Variants in C13orf46 observed in about 807,000 individuals in gnomAD.
The protein encoded by C13orf46 is chromosome 13 open reading frame 46.
chr13:113,933,241 G>A, the C13orf46 span, among the ~76,000 whole-genome samples: 2 of 152,148 alleles, frequency 1.3e-5, no homozygotes, highest in Admixed American at 6.5e-5. Flanking sequence ...GCTTATGGGT[G>A]TCCAAATGAC....
At chr13:113,972,967 G>C (rs543551567) in intron 1 of C13orf46, among the ~76,000 whole-genome samples, 1 of 152,192 alleles carries the variant, frequency 6.6e-6, no homozygotes, top group Non-Finnish European at 1.5e-5. Flanking sequence ...GGTGGGTTAC[G>C]GGTGTGGACC....
chr13:113,937,834 C>T, the C13orf46 span, among the ~76,000 whole-genome samples: 1 of 152,186 alleles, frequency 6.6e-6, no homozygotes, highest in African/African-American at 2.4e-5. Flanking sequence ...AATGGTCACT[C>T]ATGCCTGAGT....
At chr13:113,973,384 A>T (rs987787308) in intron 1 of C13orf46, among the ~76,000 whole-genome samples, 3 of 152,126 alleles carry the variant, frequency 2.0e-5, no homozygotes, top group Non-Finnish European at 2.9e-5. Flanking sequence ...TGGGCTGCTC[A>T]TGAAAAACCG....
the C13orf46 span, among the ~76,000 whole-genome samples, chr13:113,930,547 G>A: frequency 6.6e-6 from 1 of 152,204 alleles, no homozygotes; most frequent in African/African-American, 2.4e-5. Flanking sequence ...CCACTTCCCA[G>A]GTCAGAGTCC....
At chr13:113,965,645 T>C (rs1191694991) in intron 5 of C13orf46, among the ~76,000 whole-genome samples, 2 of 151,410 alleles carry the variant, frequency 1.3e-5, no homozygotes, top group Non-Finnish European at 2.9e-5. Flanking sequence ...GTGATGATGA[T>C]TGTGACAATG....
At chr13:113,969,998 C>T (rs1475889084) in intron 2 of C13orf46, among the ~76,000 whole-genome samples, 173 bp downstream of exon 2, 4 of 152,180 alleles carry the variant, frequency 2.6e-5, no homozygotes, top group African/African-American at 9.6e-5. Flanking sequence ...ATTTCCCAGC[C>T]CTCCCATCCA....
the C13orf46 span, among the ~76,000 whole-genome samples, chr13:113,945,605 G>GAAAA: frequency 1.1e-5 from 1 of 93,708 alleles, no homozygotes; most frequent in African/African-American, 4.2e-5. Flanking sequence ...AAGAAAGAAA[G>GAAAA]AAGAAAGAAA....
intron 2 of C13orf46, among the ~76,000 whole-genome samples, chr13:113,969,230 G>A (rs918579848): frequency 4.6e-5 from 7 of 152,248 alleles, no homozygotes; most frequent in African/African-American, 1.7e-4. Context: ...GTGTGGCCAG[G>A]GGCAAGAGGA....
At chr13:113,933,025 C>G in the C13orf46 span, among the ~76,000 whole-genome samples, 1 of 152,024 alleles carries the variant, frequency 6.6e-6, no homozygotes, top group African/African-American at 2.4e-5. Flanking sequence ...CCACCATGCC[C>G]AGAAAATTTT....
At chr13:113,970,018 C>T (rs1038555098) in intron 2 of C13orf46, among the ~76,000 whole-genome samples, 153 bp downstream of exon 2, 4 of 152,098 alleles carry the variant, frequency 2.6e-5, no homozygotes, top group Admixed American at 2.0e-4. Flanking sequence ...AGGCCCTGCG[C>T]GGGGTCTTCG....
chr13:113,942,434 C>T, the C13orf46 span, among the ~76,000 whole-genome samples: 1 of 152,176 alleles, frequency 6.6e-6, no homozygotes, highest in Admixed American at 6.5e-5. Context: ...CCCAGTGTCT[C>T]CAGGACGATT....
At chr13:113,940,538 C>A in the C13orf46 span, among the ~76,000 whole-genome samples, 1 of 118,188 alleles carries the variant, frequency 8.5e-6, no homozygotes, top group Admixed American at 8.4e-5. Context: ...CGTTCGAGAC[C>A]CTGGTCTCTG....
chr13:113,938,982 C>T, the C13orf46 span, among the ~76,000 whole-genome samples: 1 of 152,134 alleles, frequency 6.6e-6, no homozygotes, highest in East Asian at 1.9e-4. Flanking sequence ...CCACCCCCAC[C>T]CCAGGCCCAC....
the C13orf46 span, among the ~76,000 whole-genome samples, chr13:113,931,686 T>A: frequency 6.6e-6 from 1 of 152,182 alleles, no homozygotes; most frequent in East Asian, 1.9e-4. Flanking sequence ...GTGAGAAAAT[T>A]ACGAGATAAC....
At chr13:113,939,203 C>A in the C13orf46 span, among the ~76,000 whole-genome samples, 1 of 152,222 alleles carries the variant, frequency 6.6e-6, no homozygotes, top group African/African-American at 2.4e-5. Context: ...ATAGGCTTGG[C>A]TGCCTGACAC....
downstream of C13orf46, among the ~76,000 whole-genome samples, chr13:113,952,238 G>A (rs921193022): frequency 1.5e-3 from 225 of 152,314 alleles, no homozygotes; most frequent in Non-Finnish European, 2.7e-3. Flanking sequence ...CGTGGCTGGA[G>A]GAACTGCGCC....
chr13:113,972,496 G>A (rs1011864031), intron 1 of C13orf46, among the ~76,000 whole-genome samples: 5 of 152,134 alleles, frequency 3.3e-5, no homozygotes, highest in Non-Finnish European at 5.9e-5. Flanking sequence ...CCGAGGCCGC[G>A]GGAGGGGAGG....
At chr13:113,941,468 C>T in the C13orf46 span, among the ~76,000 whole-genome samples, 1 of 145,900 alleles carries the variant, frequency 6.9e-6, no homozygotes, top group Non-Finnish European at 1.5e-5. Context: ...AGATCCTGGT[C>T]TCTGGGACTC....
chr13:113,945,643 A>C, the C13orf46 span, among the ~76,000 whole-genome samples: 1 of 137,900 alleles, frequency 7.3e-6, no homozygotes, highest in African/African-American at 2.7e-5. Context: ...AAAGAAAGAA[A>C]GAAAGAAAGA....
Sources: allele counts gnomAD v4.1 joint callset (sites outside exome capture counted in the v4.1 genomes callset), GRCh38; gene constraint gnomAD v4.1.1; transcripts MANE v1.5; gene names NCBI Gene and HGNC (gene_info 2026-07-23, HGNC 2026-07-21).